The following ARHGAP26 variants were observed in gnomAD, a reference collection of about 807,000 sequenced individuals.
The protein encoded by ARHGAP26 is rho GTPase-activating protein 26.
Under a neutral mutation model 104.8 loss-of-function variants are expected in ARHGAP26, and 38 were observed. The observed-to-expected ratio is 0.36, with a 90% CI of 0.28 to 0.48. The LOEUF (loss-of-function observed/expected upper bound fraction) is 0.48. Ranked by LOEUF, ARHGAP26 falls within the 20% of genes least tolerant of loss-of-function variation. The pLI is 0.99. For synonymous variants in ARHGAP26, 341 were observed against 340.0 expected, an observed-to-expected ratio of 1.00 and a Z score of -0.03; for missense variants, 704 against 947.9, an observed-to-expected ratio of 0.74 and a Z score of 3.38.
At chr5:143,202,611 A>G (rs1807936564) in intron 20 of ARHGAP26, 1 of 152,236 alleles carries the variant, frequency 6.6e-6, no homozygotes, top group African/African-American at 2.4e-5. Context: ...AAGAGCCCGT[A>G]TAGCCAAGAC....
chr5:143,059,500 G>C (rs1786375665), intron 17 of ARHGAP26, among the ~76,000 whole-genome samples: 1 of 152,194 alleles, frequency 6.6e-6, no homozygotes, highest in Non-Finnish European at 1.5e-5. Context: ...GGTAGATCTT[G>C]AACAGTTGAA....
At chr5:142,807,956 C>T (rs1055480952) in intron 1 of ARHGAP26, among the ~76,000 whole-genome samples, 13 of 152,174 alleles carry the variant, frequency 8.5e-5, no homozygotes, top group African/African-American at 2.6e-4. Flanking sequence ...TGTATTTTGG[C>T]AGGGTGTGGT....
chr5:142,784,019 G>C (rs929369299), intron 1 of ARHGAP26, among the ~76,000 whole-genome samples: 1 of 152,230 alleles, frequency 6.6e-6, no homozygotes, highest in Admixed American at 6.5e-5. Context: ...GCATCCGTAG[G>C]CTTCGGCATC....
At chr5:142,999,519 A>G (rs900008522) in intron 11 of ARHGAP26, among the ~76,000 whole-genome samples, 1 of 152,142 alleles carries the variant, frequency 6.6e-6, no homozygotes, top group Admixed American at 6.6e-5. Flanking sequence ...TGAGTTTCAA[A>G]TCTAGGTTAT....
chr5:142,963,198 A>ATATATATATG (rs869247749), intron 11 of ARHGAP26, among the ~76,000 whole-genome samples: 4 of 98,336 alleles, frequency 4.1e-5, no homozygotes, highest in African/African-American at 6.1e-5. Context: ...ATATATATAT[A>ATATATATATG]TGTGTGTGTG....
intron 10 of ARHGAP26, among the ~76,000 whole-genome samples, chr5:142,917,971 G>A (rs1762714601): frequency 6.6e-6 from 1 of 151,760 alleles, no homozygotes; most frequent in Non-Finnish European, 1.5e-5. Context: ...CTGTCAGTTT[G>A]TTAATCCTCA....
At chr5:142,889,889 C>A (rs1292095521) in intron 5 of ARHGAP26, among the ~76,000 whole-genome samples, 1 of 151,186 alleles carries the variant, frequency 6.6e-6, no homozygotes, top group African/African-American at 2.4e-5. Flanking sequence ...AATCTCAGCA[C>A]TTTGGGAGGC....
intron 1 of ARHGAP26, among the ~76,000 whole-genome samples, chr5:142,869,607 G>C (rs1304009598): frequency 6.6e-6 from 1 of 152,124 alleles, no homozygotes; most frequent in South Asian, 2.1e-4. Flanking sequence ...TGAAAATACA[G>C]TAGTAAGGTT....
chr5:142,810,779 CTCT>C (rs1376515716), intron 1 of ARHGAP26, among the ~76,000 whole-genome samples: 1 of 152,192 alleles, frequency 6.6e-6, no homozygotes, highest in Non-Finnish European at 1.5e-5. Context: ...TGAAGGGACA[CTCT>C]TCGTTTAATA....
intron 1 of ARHGAP26, among the ~76,000 whole-genome samples, chr5:142,804,074 G>A (rs1024597671): frequency 6.6e-6 from 1 of 152,150 alleles, no homozygotes; most frequent in Non-Finnish European, 1.5e-5. Flanking sequence ...GTGGGATGGA[G>A]CCTGCAGCCG....
chr5:143,142,134 C>CTTTTTTTTTTTTTTTT (rs762332039), intron 19 of ARHGAP26, among the ~76,000 whole-genome samples: 1 of 105,370 alleles, frequency 9.5e-6, no homozygotes, highest in Non-Finnish European at 1.8e-5. Flanking sequence ...CTACTTTTCA[C>CTTTTTTTTTTTTTTTT]TTTTTTTTTT....
At chr5:142,918,551 A>G (rs886384882) in intron 10 of ARHGAP26, among the ~76,000 whole-genome samples, 2 of 152,070 alleles carry the variant, frequency 1.3e-5, no homozygotes, top group African/African-American at 2.4e-5. Flanking sequence ...CTATACTCTC[A>G]TCTCTGTGTC....
At chr5:143,211,255 A>T (rs894330209) in intron 21 of ARHGAP26, among the ~76,000 whole-genome samples, 4 of 152,128 alleles carry the variant, frequency 2.6e-5, no homozygotes, top group East Asian at 3.8e-4. Context: ...AACAACAAAA[A>T]TTTTTTCATA....
At chr5:142,987,107 T>C (rs1236279482) in intron 11 of ARHGAP26, among the ~76,000 whole-genome samples, 2 of 152,258 alleles carry the variant, frequency 1.3e-5, no homozygotes, top group Admixed American at 6.5e-5. Context: ...TTTCACGATA[T>C]TGATTCTTCC....
chr5:143,115,192 G>T (rs966187669), intron 17 of ARHGAP26, among the ~76,000 whole-genome samples: 5 of 151,960 alleles, frequency 3.3e-5, no homozygotes, highest in South Asian at 2.1e-4. Context: ...AGTTAGCCAG[G>T]CATGGTGGTA....
At chr5:142,847,074 G>A (rs534306935) in intron 1 of ARHGAP26, among the ~76,000 whole-genome samples, 4 of 152,058 alleles carry the variant, frequency 2.6e-5, no homozygotes, top group African/African-American at 4.8e-5. Context: ...GCTTGCTCTC[G>A]GTGCACCTTG....
intron 1 of ARHGAP26, among the ~76,000 whole-genome samples, chr5:142,776,568 A>G (rs916090763): frequency 6.6e-6 from 1 of 152,166 alleles, no homozygotes; most frequent in Non-Finnish European, 1.5e-5. Context: ...TGTAGCATGT[A>G]TCAGTAGTTT....
intron 1 of ARHGAP26, among the ~76,000 whole-genome samples, chr5:142,842,506 C>T (rs1276106218): frequency 6.6e-6 from 1 of 152,178 alleles, no homozygotes; most frequent in Admixed American, 6.5e-5. Context: ...CAGCACCCAG[C>T]ACAAGAAATC....
At chr5:142,910,833 A>G (rs1055658124) in intron 9 of ARHGAP26, among the ~76,000 whole-genome samples, 4 of 152,174 alleles carry the variant, frequency 2.6e-5, no homozygotes, top group Admixed American at 6.5e-5. Flanking sequence ...AAGTACTGGG[A>G]TTACCAGTGT....
Sources: allele counts gnomAD v4.1 joint callset (sites outside exome capture counted in the v4.1 genomes callset), GRCh38; gene constraint gnomAD v4.1.1; transcripts MANE v1.5; gene names NCBI Gene and HGNC (gene_info 2026-07-23, HGNC 2026-07-21).